The following AUTS2 variants were observed in gnomAD, a reference collection of about 807,000 sequenced individuals.
The protein encoded by AUTS2 is autism susceptibility gene 2 protein.
Under a neutral mutation model 112.4 loss-of-function variants are expected in AUTS2, and 17 were observed. The observed-to-expected ratio is 0.15, with a 90% CI of 0.10 to 0.23. The LOEUF is 0.23. Ranked by LOEUF, AUTS2 falls within the 10% of genes least tolerant of loss-of-function variation. The pLI is 1.00. For missense variants in AUTS2, 1,510 were observed against 1,701.6 expected (o/e 0.89, Z 1.98); for synonymous variants, 751 against 702.7 (o/e 1.07, Z -1.09).
intron 4 of AUTS2, among the ~76,000 whole-genome samples, chr7:70,382,358 C>T (rs770677037): frequency 2.0e-5 from 3 of 152,160 alleles, no homozygotes; most frequent in Non-Finnish European, 4.4e-5. Context: ...TCTGATGTGT[C>T]CTACACATCA....
intron 1 of AUTS2, among the ~76,000 whole-genome samples, chr7:69,715,556 C>T (rs538534196): frequency 1.3e-5 from 2 of 152,138 alleles, no homozygotes; most frequent in Non-Finnish European, 2.9e-5. Context: ...TCCTGAAAAC[C>T]AGCCCTGTTC....
chr7:70,785,111 G>T (rs2129560576), intron 16 of AUTS2, 92 bp downstream of exon 16: 1 of 1,351,630 alleles, frequency 7.4e-7, no homozygotes. Flanking sequence ...GGGCAAGCTG[G>T]TGGGAGTCCC....
chr7:70,045,561 T>A (rs1801462578), intron 2 of AUTS2, among the ~76,000 whole-genome samples: 2 of 151,424 alleles, frequency 1.3e-5, no homozygotes, highest in African/African-American at 2.4e-5. Context: ...AAATTGCAAA[T>A]GTGACTCACA....
At chr7:69,996,946 T>TAAAAAAAAAAAAAAAA (rs1161825217) in intron 2 of AUTS2, among the ~76,000 whole-genome samples, 13 of 99,030 alleles carry the variant, frequency 1.3e-4, no homozygotes, top group East Asian at 8.6e-4. Context: ...CTGGAACACT[T>TAAAAAAAAAAAAAAAA]AAAAAAAAAA....
intron 6 of AUTS2, among the ~76,000 whole-genome samples, chr7:70,703,781 A>T (rs536133617): frequency 1.3e-5 from 2 of 152,270 alleles, no homozygotes; most frequent in South Asian, 4.1e-4. Context: ...CATAAGGGAG[A>T]GTTAGAACAT....
In AUTS2 at chr7:69,760,286, C is replaced by T. The variant is rs1160949557; in HGVS notation, c.310-139000C>T. ...CTGGCCTCAAGCGATCCTCCCATCT[C>T]AGCCTCCCAATGTGCTAGGATTGCA... is the stretch of plus-strand genomic sequence containing the variant. On this transcript the variant is annotated intron_variant, in intron 1 of 18. Coordinates refer to ENST00000342771, the MANE Select transcript of AUTS2 (RefSeq NM_015570.4). 2.0e-5 allele frequency among the ~76,000 whole-genome samples: 3 copies of T among 149,850 alleles called. No homozygotes were observed. In the South Asian group the frequency reaches 6.4e-4, roughly 32 times the overall value.
At chr7:70,776,912 G>A (rs1790737973) in intron 13 of AUTS2, 191 bp from the exon 14 acceptor site, 5 of 630,576 alleles carry the variant, frequency 7.9e-6, no homozygotes, top group Non-Finnish European at 1.4e-5. Flanking sequence ...GGAGAGAGGG[G>A]GAGCTGGCTG....
At chr7:70,082,052 T>G (rs1435289760) in intron 2 of AUTS2, among the ~76,000 whole-genome samples, 1 of 151,690 alleles carries the variant, frequency 6.6e-6, no homozygotes. Flanking sequence ...GCTCATCTGG[T>G]TCTGTGTTGT....
intron 4 of AUTS2, among the ~76,000 whole-genome samples, chr7:70,310,725 T>C (rs1428025155): frequency 6.6e-6 from 1 of 152,140 alleles, no homozygotes; most frequent in Non-Finnish European, 1.5e-5. Context: ...GTTCTCAGTC[T>C]GTTCAGAAAA....
At chr7:70,128,829 C>G (rs1806115309) in intron 3 of AUTS2, among the ~76,000 whole-genome samples, 1 of 152,154 alleles carries the variant, frequency 6.6e-6, no homozygotes. Flanking sequence ...CCTCTGCAGG[C>G]TCTAGGGAAG....
chr7:69,931,350 C>T (rs1352673280), intron 2 of AUTS2, among the ~76,000 whole-genome samples: 1 of 152,198 alleles, frequency 6.6e-6, no homozygotes, highest in Non-Finnish European at 1.5e-5. Flanking sequence ...TATACAGAAT[C>T]TTAACTGTCT....
chr7:69,882,512 G>C (rs1794099789), intron 1 of AUTS2, among the ~76,000 whole-genome samples: 2 of 152,140 alleles, frequency 1.3e-5, no homozygotes, highest in Admixed American at 1.3e-4. Context: ...ATGAGAACAT[G>C]AATGCTAGAG....
intron 4 of AUTS2, among the ~76,000 whole-genome samples, chr7:70,176,132 G>A (rs1229477736): frequency 1.3e-5 from 2 of 152,086 alleles, no homozygotes; most frequent in Non-Finnish European, 2.9e-5. Context: ...ATTTTTGCAG[G>A]TATTCTCTTC....
intron 2 of AUTS2, among the ~76,000 whole-genome samples, chr7:69,943,612 A>T (rs1267458063): frequency 6.6e-6 from 1 of 152,192 alleles, no homozygotes; most frequent in Non-Finnish European, 1.5e-5. Flanking sequence ...AGATATTTTC[A>T]GTGAATTTGT....
intron 1 of AUTS2, among the ~76,000 whole-genome samples, chr7:69,860,235 G>A (rs574504087): frequency 2.0e-5 from 3 of 152,028 alleles, no homozygotes; most frequent in East Asian, 3.9e-4. Context: ...AGGAGAGACA[G>A]CTAGTGAGGG....
intron 4 of AUTS2, among the ~76,000 whole-genome samples, chr7:70,318,107 T>A (rs1431852541): frequency 6.6e-6 from 1 of 152,162 alleles, no homozygotes; most frequent in Non-Finnish European, 1.5e-5. Flanking sequence ...CCTTTATGAT[T>A]TATAAATCTA....
At chr7:70,626,207 C>CACCA (rs1216779987) in intron 5 of AUTS2, among the ~76,000 whole-genome samples, 1 of 151,208 alleles carries the variant, frequency 6.6e-6, no homozygotes, top group Non-Finnish European at 1.5e-5. Flanking sequence ...GCCACCATGC[C>CACCA]TGCTCTGAAG....
chr7:70,573,625 A>G (rs1802040617), intron 5 of AUTS2, among the ~76,000 whole-genome samples: 1 of 152,196 alleles, frequency 6.6e-6, no homozygotes, highest in Admixed American at 6.5e-5. Context: ...AGACCCAACA[A>G]TATCAAGGAT....
At chr7:69,632,455 G>A (rs1794290730) in intron 1 of AUTS2, among the ~76,000 whole-genome samples, 2 of 152,066 alleles carry the variant, frequency 1.3e-5, no homozygotes, top group Admixed American at 6.5e-5. Flanking sequence ...GAACGTAAAA[G>A]TGGATTATGA....
Sources: allele counts gnomAD v4.1 joint callset (sites outside exome capture counted in the v4.1 genomes callset), GRCh38; gene constraint gnomAD v4.1.1; transcripts MANE v1.5; gene names NCBI Gene and HGNC (gene_info 2026-07-23, HGNC 2026-07-21).